AFAP1L1: variants seen among roughly 807,000 people sequenced by gnomAD.
The protein encoded by AFAP1L1 is actin filament associated protein 1 like 1.
AFAP1L1 carries 77 observed loss-of-function variants against 99.8 expected under a neutral mutation model. That is an observed-to-expected ratio of 0.77 (90% CI 0.64 to 0.93). The LOEUF (loss-of-function observed/expected upper bound fraction) is 0.93, where lower values mean the gene tolerates loss of function less well. Among genes scored for constraint, AFAP1L1 ranks in the 40% least tolerant of loss-of-function variants. The pLI is 0.00. For synonymous variants in AFAP1L1, 373 were observed against 395.3 expected, an observed-to-expected ratio of 0.94 and a Z score of 0.67; for missense variants, 893 against 996.8, an observed-to-expected ratio of 0.90 and a Z score of 1.40.
intron 1 of AFAP1L1, among the ~76,000 whole-genome samples, chr5:149,285,890 G>GA (rs1755664414): frequency 6.6e-6 from 1 of 152,140 alleles, no homozygotes; most frequent in Non-Finnish European, 1.5e-5. Context: ...TCCTTTCTAT[G>GA]AATTCCAGGT....
chr5:149,284,242 C>T (rs939291613), intron 1 of AFAP1L1, among the ~76,000 whole-genome samples: 2 of 152,160 alleles, frequency 1.3e-5, no homozygotes, highest in African/African-American at 4.8e-5. Flanking sequence ...TGTCCCAGTC[C>T]TTACAGGTTG....
chr5:149,272,495 T>G (rs1300506440), intron 1 of AFAP1L1, among the ~76,000 whole-genome samples: 1 of 152,092 alleles, frequency 6.6e-6, no homozygotes, highest in Non-Finnish European at 1.5e-5. Flanking sequence ...CGGGGGTGGT[T>G]CTATCCCGCA....
chr5:149,315,603 C>A (rs894720543), intron 9 of AFAP1L1: 2 of 541,248 alleles, frequency 3.7e-6, no homozygotes, highest in Non-Finnish European at 6.7e-6. Flanking sequence ...CCTCCCTCCC[C>A]AAATGGACTG....
intron 5 of AFAP1L1, among the ~76,000 whole-genome samples, chr5:149,304,512 C>T (rs1222933281): frequency 6.6e-6 from 1 of 152,242 alleles, no homozygotes; most frequent in Non-Finnish European, 1.5e-5. Flanking sequence ...ACTCACTTCC[C>T]TCTCAGACAG....
At position 149,275,023 on chromosome 5, in the gene AFAP1L1, T is replaced by C. The variant is rs113791701; in HGVS notation, c.16+3039T>C. Among the ~76,000 whole-genome samples, 930 of 152,274 alleles carry C rather than the reference T, an allele frequency of 6.1e-3. 11 individuals carry two copies. The highest frequency in any genetic ancestry group is 0.02 in the African/African-American group (819 of 41,548). ...AGCCTCCTGCCTACCATGTGAGAGA[T>C]GGGACTGTCATGCCCAGCTGACTAG... On this transcript the variant is annotated intron_variant, in intron 1 of 18. Transcript: ENST00000296721.
rs184969776 is a variant in AFAP1L1, at chr5:149,290,508, G to A, written c.17-9001G>A. ...AATTGGGGAACAGGAATTAAACTCA[G>A]GTGGTTTAGGTTGCTCAATATCTGT... On this transcript the variant is annotated intron_variant, in intron 1 of 18. Transcript: ENST00000296721. Among the ~76,000 whole-genome samples, 17 of 132,770 alleles carry A rather than the reference G, an allele frequency of 1.3e-4. No homozygotes were observed. The South Asian group carries it at 4.3e-3, about 34-fold the overall frequency. The allele number at this position is 132,770 out of a possible 152,430, so 87.1% of individuals were successfully genotyped here.
rs1052397614 is a variant in AFAP1L1, at chr5:149,341,349, G to C, written c.*1319G>C. ...CTGACCAGTAATCACCCACTGATTA[G>C]TGGCAGAGCGTAGGACTTAGGGGTT... On this transcript the variant is annotated 3_prime_UTR_variant, in exon 19 of 19. Transcript: ENST00000296721. The C allele has an allele frequency of 6.6e-6, 1 of 152,196 alleles. No individual in the cohort carries two copies. The highest frequency in any genetic ancestry group is 2.4e-5 in the African/African-American group (1 of 41,440). The allele number at this position is 152,196 out of a possible 1,614,324, so 9.4% of individuals were successfully genotyped here.
At chr5:149,324,765 T>C (rs957605913) in intron 15 of AFAP1L1, among the ~76,000 whole-genome samples, 1 of 152,188 alleles carries the variant, frequency 6.6e-6, no homozygotes, top group African/African-American at 2.4e-5. Flanking sequence ...CCTGGCAAGT[T>C]TGTGCTGGTT....
intron 12 of AFAP1L1, among the ~76,000 whole-genome samples, 199 bp downstream of exon 12, chr5:149,318,139 A>G (rs1031291439): frequency 5.9e-5 from 9 of 152,252 alleles, no homozygotes; most frequent in Non-Finnish European, 1.3e-4. Context: ...ATTTCAGGTA[A>G]GCCACGAACA....
intron 1 of AFAP1L1, among the ~76,000 whole-genome samples, chr5:149,291,423 G>T (rs1755851212): frequency 6.6e-6 from 1 of 150,632 alleles, no homozygotes; most frequent in East Asian, 2.0e-4. Flanking sequence ...GCTACTCGGA[G>T]GCTGAGGCAG....
At chr5:149,294,911 G>A (rs570249090) in intron 1 of AFAP1L1, among the ~76,000 whole-genome samples, 11 of 152,332 alleles carry the variant, frequency 7.2e-5, no homozygotes, top group African/African-American at 2.6e-4. Flanking sequence ...GACAGGCCAG[G>A]GTTCAAAGCC....
Position 149,302,431 on chromosome 5 carries a change from C to G in AFAP1L1, c.341C>G (p.Pro114Arg), listed in dbSNP as rs1756254581. 1 of 1,588,158 alleles carries G rather than the reference C, an allele frequency of 6.3e-7. No homozygotes were observed. The highest frequency in any genetic ancestry group is 1.7e-4 in the Middle Eastern group (1 of 5,980). The change falls in exon 5 of 19, where the codon CCT (proline) becomes CGT (arginine). Residue 114 changes from proline (P) to arginine (R), a missense_variant. Coordinates refer to ENST00000296721, the MANE Select transcript of AFAP1L1 (RefSeq NM_152406.4). ...SPRLRNAADL[P>R]PPLPNKPPPE... is the part of the protein sequence containing the mutation. Reference sequence around the variant, plus strand: ...GTCCCCTTGCAGGCGGCCGACCTGCCTCCACCGCTCCCCAACAAGCCTCCC... The same window carrying G: ...GTCCCCTTGCAGGCGGCCGACCTGCGTCCACCGCTCCCCAACAAGCCTCCC...
intron 11 of AFAP1L1, 70 bp from the exon 12 acceptor site, chr5:149,317,657 CAT>C: frequency 6.5e-7 from 1 of 1,535,736 alleles, no homozygotes; most frequent in Non-Finnish European, 8.9e-7. Flanking sequence ...CCAGCAGACA[CAT>C]GGAGCCGCCT....
At chr5:149,308,138 G>C (rs58554351) in intron 7 of AFAP1L1, among the ~76,000 whole-genome samples, 4,478 of 151,838 alleles carry the variant, frequency 0.029, 199 homozygotes, top group East Asian at 0.13. Context: ...AACGGTGAGA[G>C]ATTCCATCTC....
chr5:149,315,998 C>T, intron 10 of AFAP1L1, 84 bp downstream of exon 10: 1 of 1,589,852 alleles, frequency 6.3e-7, no homozygotes, highest in Non-Finnish European at 8.6e-7. Flanking sequence ...AGAGCAGGTT[C>T]TGACCATTCT....
intron 1 of AFAP1L1, among the ~76,000 whole-genome samples, chr5:149,280,500 A>C (rs1041001302): frequency 6.6e-6 from 1 of 151,274 alleles, no homozygotes; most frequent in Non-Finnish European, 1.5e-5. Flanking sequence ...CACATCCCCC[A>C]GGTGATTCTG....
Position 149,342,919 on chromosome 5 carries a change from AAAAT to A in AFAP1L1, c.*2890_*2893del, listed in dbSNP as rs1389317097. On this transcript the variant is annotated 3_prime_UTR_variant, in exon 19 of 19. Coordinates refer to ENST00000296721, the MANE Select transcript of AFAP1L1 (RefSeq NM_152406.4). ...AGCAAGACTCCATCTCAAAAAAAAA[AAAAT>A]GCCTTATTTGGTTGTGTTTTTTCAA... Among the ~76,000 whole-genome samples the A allele has an allele frequency of 1.3e-5, 2 of 152,132 alleles. No homozygotes were observed. The highest frequency in any genetic ancestry group is 4.8e-5 in the African/African-American group (2 of 41,422).
At chr5:149,304,171 T>A (rs1756322753) in intron 5 of AFAP1L1, 1 of 152,228 alleles carries the variant, frequency 6.6e-6, no homozygotes, top group Non-Finnish European at 1.5e-5. Context: ...GTTTTCTAGG[T>A]TCATCCATGT....
intron 1 of AFAP1L1, among the ~76,000 whole-genome samples, chr5:149,292,654 G>A (rs896467355): frequency 1.3e-5 from 2 of 152,280 alleles, no homozygotes; most frequent in East Asian, 3.9e-4. Context: ...ACGATGATTA[G>A]TCCATTTCTT....
Sources: allele counts gnomAD v4.1 joint callset (sites outside exome capture counted in the v4.1 genomes callset), GRCh38; gene constraint gnomAD v4.1.1; transcripts MANE v1.5; gene names NCBI Gene and HGNC (gene_info 2026-07-23, HGNC 2026-07-21).